Variants in CHRND observed in about 807,000 individuals in gnomAD.
CHRND encodes acetylcholine receptor subunit delta.
CHRND carries 40 observed loss-of-function variants against 57.8 expected under a neutral mutation model. The ratio of observed to expected loss-of-function variants is 0.69; its 90% CI spans 0.54 to 0.90. CHRND has a LOEUF of 0.90. Among genes scored for constraint, CHRND ranks in the 40% least tolerant of loss-of-function variants. The probability of loss-of-function intolerance (pLI) is 0.00; values close to 1 mark genes in which losing one functional copy is unlikely to be tolerated. For synonymous variants in CHRND, 237 were observed against 270.6 expected (o/e 0.88, Z 1.22); for missense variants, 634 against 673.9 (o/e 0.94, Z 0.66).
In CHRND at chr2:232,526,533, C is replaced by G; in HGVS notation, c.57C>G (p.Ser19Arg). 1 of 1,613,650 alleles carries G rather than the reference C, an allele frequency of 6.2e-7. No homozygotes were observed. The highest frequency in any genetic ancestry group is 8.5e-7 in the Non-Finnish European group (1 of 1,180,036). Residue 19 changes from serine to arginine, a missense_variant, in exon 2 of 12, where the codon AGC (serine) becomes AGG (arginine). Physicochemically the swap from Ser to Arg is moderately radical, Grantham distance 110. Coordinates refer to ENST00000258385, the MANE Select transcript of CHRND (RefSeq NM_000751.3). ...CTTGTCGCTGACCCTCCCCAGGCAG[C>G]TGGGGGCTGAACGAGGAGGAGCGGC... ...GLLAALAVCG[S>R]WGLNEEERLI...
In CHRND at chr2:232,530,060, C is replaced by A. The variant is rs755932022; in HGVS notation, c.741C>A (p.Leu247=). 5 of 1,614,224 alleles carry A rather than the reference C, an allele frequency of 3.1e-6. No homozygotes were observed. In the East Asian group the frequency reaches 6.7e-5, roughly 22 times the overall value. ...TFYLIIRRKP[L]FYIINILVPC... is the part of the protein sequence containing the mutation. ...ACCTCATCATCCGCCGCAAGCCCCT[C>A]TTCTACATCATCAACATCCTGGTGC... The change falls in exon 7 of 12, where the codon CTC becomes CTA. Residue 247 remains leucine (L), a synonymous_variant. Coordinates refer to ENST00000258385, the MANE Select transcript of CHRND (RefSeq NM_000751.3).
In CHRND at chr2:232,535,201, G is replaced by A. The variant is rs1315703995; in HGVS notation, c.1443G>A (p.Met481Ile). The part of the protein sequence containing the change: ...RLCLFVVTPV[M>I]VVGTAWIFLQ... ...GCCTGTTTGTGGTGACGCCTGTCAT[G>A]GTGGTGGGCACAGCCTGGATCTTCC... Residue 481 changes from methionine (M) to isoleucine (I), a missense_variant, in exon 12 of 12, where the codon ATG (methionine) becomes ATA (isoleucine). Physicochemically the swap from Met to Ile is conservative, Grantham distance 10. Transcript: ENST00000258385. 1 of 1,614,108 alleles carries A rather than the reference G, an allele frequency of 6.2e-7. No individual in the cohort carries two copies. Among genetic ancestry groups the A allele is most frequent in the African/African-American group, 1.3e-5 (1 of 74,950 alleles).
chr2:232,530,978 C>T (rs1308513836), intron 7 of CHRND, among the ~76,000 whole-genome samples: 1 of 152,226 alleles, frequency 6.6e-6, no homozygotes, highest in South Asian at 2.1e-4. Context: ...CGGGGAGTAA[C>T]GCACGCAGGT....
chr2:232,528,207 G>C, intron 3 of CHRND, 55 bp from the exon 4 acceptor site: 1 of 1,534,568 alleles, frequency 6.5e-7, no homozygotes, highest in Non-Finnish European at 9.0e-7. Context: ...AGTGGGGGGA[G>C]CCAGGAGCCT....
At chr2:232,527,379 T>C (rs1286611716) in intron 2 of CHRND, 22 bp from the exon 3 acceptor site, 1 of 1,592,062 alleles carries the variant, frequency 6.3e-7, no homozygotes, top group Non-Finnish European at 8.6e-7. Flanking sequence ...CCCTGAAGGA[T>C]GGCCCTACCG....
Position 232,535,607 on chromosome 2 carries a change from A to G in CHRND, c.*295A>G. ...GGCCACTCAGGGTGGCCTCAGGGGG[A>G]GAGCTCTGATAGGGGTGAGACAGAT... is the stretch of plus-strand genomic sequence containing the variant. On this transcript the variant is annotated 3_prime_UTR_variant, in exon 12 of 12. Coordinates refer to ENST00000258385, the MANE Select transcript of CHRND (RefSeq NM_000751.3). 2 of 592,488 alleles carry G rather than the reference A, an allele frequency of 3.4e-6. No homozygotes were observed. Among genetic ancestry groups the G allele is most frequent in the South Asian group, 1.5e-5 (1 of 65,002 alleles). The allele number at this position is 592,488 out of a possible 1,614,324, so 36.7% of individuals were successfully genotyped here. A position where few individuals can be genotyped will look rare whatever the true frequency, so the allele number is the denominator to read the frequency against.
intron 6 of CHRND, among the ~76,000 whole-genome samples, chr2:232,529,384 C>A (rs1691601908): frequency 6.6e-6 from 1 of 152,162 alleles, no homozygotes; most frequent in South Asian, 2.1e-4. Context: ...ACATCCTCAT[C>A]CCCGATCTGT....
In CHRND at chr2:232,528,872, T is replaced by C. The variant is rs1301976947; in HGVS notation, c.520T>C (p.Tyr174His). Residue 174 changes from tyrosine to histidine, a missense_variant, in exon 6 of 12, where the codon TAT (tyrosine) becomes CAT (histidine). Physicochemically the swap from Tyr to His is moderately conservative, Grantham distance 83. Coordinates refer to ENST00000258385, the MANE Select transcript of CHRND (RefSeq NM_000751.3). ...NCSLKFSSLKYTAKEITLSLK... is the reference protein window; with the variant it reads ...NCSLKFSSLKHTAKEITLSLK... ...CATTGCCCTCCCCAGTTCCCTCAAG[T>C]ATACGGCCAAAGAGATCACCCTGAG... 6.2e-7 allele frequency: 1 copy of C among 1,613,824 alleles called. No individual in the cohort carries two copies. Among genetic ancestry groups the C allele is most frequent in the Non-Finnish European group, 8.5e-7 (1 of 1,179,884 alleles).
intron 2 of CHRND, 51 bp from the exon 3 acceptor site, chr2:232,527,350 G>C (rs577960557): frequency 6.9e-7 from 1 of 1,450,520 alleles, no homozygotes. Context: ...GAATGTGTGC[G>C]GATAAAAGAA....
Position 232,528,582 on chromosome 2 carries a change from C to T in CHRND, c.435C>T (p.Ala145=), listed in dbSNP as rs1691569899. 1 of 1,614,028 alleles carries T rather than the reference C, an allele frequency of 6.2e-7. No homozygotes were observed. Among genetic ancestry groups the T allele is most frequent in the African/African-American group, 1.3e-5 (1 of 74,900 alleles). The change falls in exon 5 of 12, where the codon GCC becomes GCT. Residue 145 remains alanine (A), a synonymous_variant. Coordinates refer to ENST00000258385, the MANE Select transcript of CHRND (RefSeq NM_000751.3). ...GCTTCGTGTACTGGCTGCCACCTGCCATCTTCCGCTCCTCCTGCCCCATCT... is the reference window on the plus strand; with the variant it reads ...GCTTCGTGTACTGGCTGCCACCTGCTATCTTCCGCTCCTCCTGCCCCATCT... ...HYGFVYWLPP[A]IFRSSCPISV... is the part of the protein sequence containing the mutation.
rs766592644 is a variant in CHRND at position 232,535,539 on chromosome 2, G to A, written c.*227G>A. On this transcript the variant is annotated 3_prime_UTR_variant, in exon 12 of 12. Transcript: ENST00000258385. The stretch of plus-strand genomic sequence containing the variant: ...ATCGGCTACAGTGGGTGGGCAGGAC[G>A]ATTTGGGGGGAGGCCCGAGGCTGGC... The A allele has an allele frequency of 4.3e-5, 30 of 702,092 alleles. No individual in the cohort carries two copies. In the East Asian group the frequency reaches 5.1e-4, roughly 12 times the overall value. The allele number at this position is 702,092 out of a possible 1,614,324, so 43.5% of individuals were successfully genotyped here. A position where few individuals can be genotyped will look rare whatever the true frequency, so the allele number is the denominator to read the frequency against.
At position 232,534,229 on chromosome 2, in the gene CHRND, C is replaced by G; in HGVS notation, c.1258C>G (p.Pro420Ala). The change falls in exon 11 of 12, where the codon CCC (proline) becomes GCC (alanine). Residue 420 changes from proline to alanine, a missense_variant. By Grantham distance (27) the Pro-to-Ala change is conservative (BLOSUM62 -1). Transcript: ENST00000258385. ...LARRLTTARRPPASSEQAQQE... is the reference protein window; with the variant it reads ...LARRLTTARRAPASSEQAQQE... ...CTCTGGCCCCTCGTCTGTAGGCCGGCCCCCAGCAAGCTCTGAGCAGGCCCA... is the reference window on the plus strand; with the variant it reads ...CTCTGGCCCCTCGTCTGTAGGCCGGGCCCCAGCAAGCTCTGAGCAGGCCCA... 2 of 1,614,160 alleles carry G rather than the reference C, an allele frequency of 1.2e-6. No homozygotes were observed. The highest frequency in any genetic ancestry group is 1.7e-6 in the Non-Finnish European group (2 of 1,180,026).
chr2:232,528,093 C>G (rs1249636644), intron 3 of CHRND, among the ~76,000 whole-genome samples, 169 bp from the exon 4 acceptor site: 1 of 152,194 alleles, frequency 6.6e-6, no homozygotes, highest in East Asian at 1.9e-4. Flanking sequence ...CAGTGAGCAT[C>G]CTGCACAGCT....
In CHRND at chr2:232,526,724, C is replaced by G. The variant is rs760028383; in HGVS notation, c.198+50C>G. 3.1e-5 allele frequency: 50 copies of G among 1,597,668 alleles called. No homozygotes were observed. The South Asian group carries it at 4.7e-4, about 15-fold the overall frequency. The stretch of plus-strand genomic sequence containing the variant: ...TGGGAGGGAGGGCAGGGATGGCTTT[C>G]CAGTACCAGGATAGCCATGGAGGAA... On this transcript the variant is annotated intron_variant, in intron 2 of 11. Transcript: ENST00000258385.
At position 232,534,107 on chromosome 2, in the gene CHRND, T is replaced by C; in HGVS notation, c.1224T>C (p.His408=). ...TGTTCGAGAAGCAGTCAGAGCGGCATGGGCTGGCCAGGCGCCTCACCACTG... is the reference window on the plus strand; with the variant it reads ...TGTTCGAGAAGCAGTCAGAGCGGCACGGGCTGGCCAGGCGCCTCACCACTG... ...DLMFEKQSER[H]GLARRLTTAR... is the part of the protein sequence containing the mutation. The change falls in exon 10 of 12, where the codon CAT becomes CAC. Residue 408 remains histidine, a synonymous_variant. Coordinates refer to ENST00000258385, the MANE Select transcript of CHRND (RefSeq NM_000751.3). 2 of 1,614,084 alleles carry C rather than the reference T, an allele frequency of 1.2e-6. No homozygotes were observed. Among genetic ancestry groups the C allele is most frequent in the Non-Finnish European group, 1.7e-6 (2 of 1,180,024 alleles).
chr2:232,526,526 C>G lies in CHRND; in HGVS notation c.53-3C>G. The G allele has an allele frequency of 6.2e-7, 1 of 1,613,616 alleles. No individual in the cohort carries two copies. The highest frequency in any genetic ancestry group is 1.7e-5 in the Admixed American group (1 of 60,030). ...TTCAGTCCTTGTCGCTGACCCTCCC[C>G]AGGCAGCTGGGGGCTGAACGAGGAG... On this transcript the variant is annotated splice_region_variant and splice_polypyrimidine_tract_variant and intron_variant, in intron 1 of 11. Coordinates refer to ENST00000258385, the MANE Select transcript of CHRND (RefSeq NM_000751.3).
chr2:232,529,892 C>A, intron 6 of CHRND, 47 bp from the exon 7 acceptor site: 1 of 1,596,932 alleles, frequency 6.3e-7, no homozygotes, highest in Non-Finnish European at 8.6e-7. Flanking sequence ...CCCTGCCTAG[C>A]CCCCTTGGCC....
Position 232,534,019 on chromosome 2 carries a change from G to T in CHRND, c.1136G>T (p.Ser379Ile). The T allele has an allele frequency of 6.2e-7, 1 of 1,614,092 alleles. No homozygotes were observed. The highest frequency in any genetic ancestry group is 8.5e-7 in the Non-Finnish European group (1 of 1,180,042). The change falls in exon 10 of 12, where the codon AGC (serine) becomes ATC (isoleucine). Residue 379 changes from serine to isoleucine, a missense_variant. Ser to Ile is a moderately radical substitution (Grantham distance 142, BLOSUM62 -2). Coordinates refer to ENST00000258385, the MANE Select transcript of CHRND (RefSeq NM_000751.3). The stretch of plus-strand genomic sequence containing the variant: ...CCTGGGGCCCTGGTGCGGAGGAGCA[G>T]CTCCCTGGGATACATCTCCAAGGCC... The part of the protein sequence containing the change: ...PSPGALVRRS[S>I]SLGYISKAEE...
rs549634014 is a variant in CHRND, at chr2:232,529,991, C to T, written c.672C>T (p.Pro224=). The T allele has an allele frequency of 1.2e-6, 2 of 1,614,160 alleles. No homozygotes were observed. Among genetic ancestry groups the T allele is most frequent in the African/African-American group, 1.3e-5 (1 of 75,050 alleles). Residue 224 remains proline, a synonymous_variant, in exon 7 of 12, where the codon CCC becomes CCT. Coordinates refer to ENST00000258385, the MANE Select transcript of CHRND (RefSeq NM_000751.3). ...VHRPARVNVD[P]RAPLDSPSRQ... ...GGCCGGCCAGGGTCAACGTGGACCC[C>T]AGAGCCCCTCTGGACAGCCCCAGCC...
Sources: gnomAD v4.1 joint callset for allele counts (sites outside exome capture counted in the v4.1 genomes callset) on GRCh38, gnomAD v4.1.1 for gene constraint, MANE v1.5 for transcripts, NCBI Gene and HGNC (gene_info 2026-07-23, HGNC 2026-07-21) for gene names.